Variants in RBFOX3 observed in about 807,000 individuals in gnomAD.
RBFOX3 encodes the protein RNA binding protein fox-1 homolog 3.
In RBFOX3, 17 loss-of-function variants were observed where a neutral mutation model predicts 48.7. That is an observed-to-expected ratio of 0.35 (90% CI 0.24 to 0.52). The LOEUF is 0.52. Among genes scored for constraint, RBFOX3 ranks in the 20% least tolerant of loss-of-function variants. RBFOX3 has a pLI of 0.94. For missense variants in RBFOX3, 382 were observed against 497.5 expected (o/e 0.77, Z 2.21); for synonymous variants, 212 against 209.5 (o/e 1.01, Z -0.10).
chr17:79,240,703 A>C (rs1266122559), intron 3 of RBFOX3, among the ~76,000 whole-genome samples: 2 of 152,096 alleles, frequency 1.3e-5, no homozygotes, highest in African/African-American at 2.4e-5. Flanking sequence ...TTGCTCTGTC[A>C]CCCAGGCTGG....
rs1007486540 is a variant in RBFOX3, at chr17:79,423,044, C to T, written c.-175+59410G>A. ...GCACGGGACAGGCCGGCCCCTGCGA[C>T]GGGACTTCGGGTGCCCCGTGTGCCA... On this transcript the variant is annotated intron_variant, in intron 2 of 14. Coordinates refer to ENST00000693108, the MANE Select transcript of RBFOX3 (RefSeq NM_001350451.2). This position sits in a 1 kb window ranked among gnomAD's most constrained non-coding sequence, Gnocchi z 4.9. 3.9e-5 allele frequency among the ~76,000 whole-genome samples: 6 copies of T among 152,174 alleles called. No homozygotes were observed. The highest frequency in any genetic ancestry group is 1.4e-4 in the African/African-American group (6 of 41,432).
In RBFOX3 at chr17:79,362,582, G is replaced by C. The variant is rs2086588644; in HGVS notation, c.-174-54758C>G. Among the ~76,000 whole-genome samples, 1 of 152,318 alleles carries C rather than the reference G, an allele frequency of 6.6e-6. No homozygotes were observed. The highest frequency in any genetic ancestry group is 2.1e-4 in the South Asian group (1 of 4,822). On this transcript the variant is annotated intron_variant, in intron 2 of 14. Transcript: ENST00000693108. The surrounding 1 kb of genome is among the most constrained non-coding windows in gnomAD (Gnocchi z 4.2). ...AGATGGGAGCCTTTATGTCCCGCGT[G>C]TGAGGGGCCCAGAGGCCTCTTTGCA...
intron 4 of RBFOX3, among the ~76,000 whole-genome samples, chr17:79,141,371 A>G (rs113552336): frequency 0.028 from 4,314 of 152,324 alleles, 90 homozygotes; most frequent in African/African-American, 0.055. Context: ...AGGGAAGGCT[A>G]CAGAGTTCAC....
intron 2 of RBFOX3, among the ~76,000 whole-genome samples, chr17:79,368,319 C>A (rs984050653): frequency 1.3e-5 from 2 of 152,196 alleles, no homozygotes; most frequent in African/African-American, 2.4e-5. Flanking sequence ...CTCCACCAGC[C>A]TGGGGCTGTA....
At chr17:79,483,562 A>T (rs1216974410) in intron 1 of RBFOX3, among the ~76,000 whole-genome samples, 2 of 145,662 alleles carry the variant, frequency 1.4e-5, no homozygotes, top group African/African-American at 5.1e-5. Flanking sequence ...TCCCTATGGC[A>T]TTTCCTTCTC....
intron 1 of RBFOX3, chr17:79,598,913 T>G (rs2093636518): frequency 6.6e-6 from 1 of 152,052 alleles, no homozygotes; most frequent in Admixed American, 6.6e-5. Context: ...TCATCTCAGT[T>G]CCACAGAGTC....
rs1259457555 is a variant in RBFOX3, at chr17:79,552,989, CT to C, written c.-320+57836del. Among the ~76,000 whole-genome samples the C allele has an allele frequency of 3.3e-5, 5 of 152,216 alleles. No individual in the cohort carries two copies. The East Asian group carries it at 7.7e-4, about 23-fold the overall frequency. On this transcript the variant is annotated intron_variant, in intron 1 of 14. Transcript: ENST00000693108. ...TAGCCCCTCCTTTCCAATATTTATT[CT>C]TCTCATTTCTTTTCTTGTCTGATTG...
intron 4 of RBFOX3, among the ~76,000 whole-genome samples, chr17:79,143,318 G>A (rs2042290616): frequency 6.6e-6 from 1 of 150,478 alleles, no homozygotes; most frequent in African/African-American, 2.4e-5. Context: ...TGTTCCTGGG[G>A]GACCTGGATA....
At chr17:79,371,709 A>T (rs2058564150) in intron 2 of RBFOX3, among the ~76,000 whole-genome samples, 1 of 152,112 alleles carries the variant, frequency 6.6e-6, no homozygotes, top group Non-Finnish European at 1.5e-5. Flanking sequence ...TCTTCTCGAA[A>T]ATGTGGAAAC....
chr17:79,482,488 G>A lies in RBFOX3; in HGVS notation c.-209C>T, dbSNP rs1325321976. 1.3e-5 allele frequency: 2 copies of A among 152,372 alleles called. No individual in the cohort carries two copies. The highest frequency in any genetic ancestry group is 6.5e-5 in the Admixed American group (1 of 15,298). The allele number at this position is 152,372 out of a possible 1,614,324, so 9.4% of individuals were successfully genotyped here. A position where few individuals can be genotyped will look rare whatever the true frequency, so the allele number is the denominator to read the frequency against. On this transcript the variant is annotated 5_prime_UTR_variant, in exon 2 of 15. Transcript: ENST00000693108. The surrounding 1 kb of genome is among the most constrained non-coding windows in gnomAD (Gnocchi z 4.1). ...GGAGGTGAGGTCTGCTTTGCTGAGC[G>A]GGGAGGCCCCAGTGGGGCTCCTTCT... is the stretch of plus-strand genomic sequence containing the variant.
At chr17:79,522,684 C>T (rs1237209861) in intron 1 of RBFOX3, among the ~76,000 whole-genome samples, 3 of 152,102 alleles carry the variant, frequency 2.0e-5, no homozygotes, top group Non-Finnish European at 4.4e-5. Flanking sequence ...AAACCCAGCA[C>T]TTTGGGATGC....
chr17:79,532,206 A>G (rs78094680), intron 1 of RBFOX3, among the ~76,000 whole-genome samples: 27,874 of 148,928 alleles, frequency 0.19, 3,537 homozygotes, highest in African/African-American at 0.37. Flanking sequence ...TGGAGGGGGG[A>G]GGGGAGGAGG....
In RBFOX3 at chr17:79,246,428, G is replaced by T. The variant is rs114475546; in HGVS notation, c.-73-10623C>A. 3.6e-3 allele frequency among the ~76,000 whole-genome samples: 551 copies of T among 152,330 alleles called. 3 individuals carry two copies. Among genetic ancestry groups the T allele is most frequent in the African/African-American group, 0.013 (530 of 41,560 alleles). On this transcript the variant is annotated intron_variant, in intron 3 of 14. Transcript: ENST00000693108. ...TGCTGGTGTCTGATTACGCTGAGTG[G>T]GCTGTTCTTCCTTCTACTGTGAACC...
At chr17:79,558,469 C>T (rs1007354548) in intron 1 of RBFOX3, among the ~76,000 whole-genome samples, 6 of 152,038 alleles carry the variant, frequency 3.9e-5, no homozygotes, top group Admixed American at 1.3e-4. Context: ...AGGGTGCTGG[C>T]GGATGGGGAG....
At position 79,195,061 on chromosome 17, in the gene RBFOX3, C is replaced by G. The variant is rs766009510; in HGVS notation, c.-34+40705G>C. ...CCCACCGACATCAGCTCACTATCAT[C>G]CCCATTGCCTGCGCGGTGCCTGGCC... On this transcript the variant is annotated intron_variant, in intron 4 of 14. Coordinates refer to ENST00000693108, the MANE Select transcript of RBFOX3 (RefSeq NM_001350451.2). This position sits in a 1 kb window ranked among gnomAD's most constrained non-coding sequence, Gnocchi z 5.3. Among the ~76,000 whole-genome samples the G allele has an allele frequency of 2.2e-4, 34 of 152,006 alleles. No homozygotes were observed. Among genetic ancestry groups the G allele is most frequent in the Non-Finnish European group, 4.3e-4 (29 of 67,986 alleles).
At chr17:79,644,961 A>G in the RBFOX3 span, among the ~76,000 whole-genome samples, 3 of 152,218 alleles carry the variant, frequency 2.0e-5, no homozygotes, top group East Asian at 3.8e-4. Context: ...TATTCTTCCA[A>G]TTGTTCAGAA....
At chr17:79,303,682 G>A (rs9897730) in intron 3 of RBFOX3, among the ~76,000 whole-genome samples, 7,492 of 152,000 alleles carry the variant, frequency 0.049, 315 homozygotes, top group East Asian at 0.22. Flanking sequence ...TGGTTGCTAG[G>A]GGCAGACCAT....
intron 1 of RBFOX3, among the ~76,000 whole-genome samples, chr17:79,530,135 C>T (rs1287941935): frequency 6.6e-6 from 1 of 152,162 alleles, no homozygotes; most frequent in Non-Finnish European, 1.5e-5. Flanking sequence ...GAGCACAGCC[C>T]ACAGAGAGGA....
At chr17:79,472,688 G>A (rs960884697) in intron 2 of RBFOX3, among the ~76,000 whole-genome samples, 4 of 152,168 alleles carry the variant, frequency 2.6e-5, no homozygotes, top group Non-Finnish European at 5.9e-5. Context: ...GCTTCACCAT[G>A]GCAGCCCAAG....
Sources: allele counts gnomAD v4.1 joint callset (sites outside exome capture counted in the v4.1 genomes callset), GRCh38; gene constraint gnomAD v4.1.1; non-coding constraint Gnocchi (gnomAD v3.1); transcripts MANE v1.5; gene names NCBI Gene and HGNC (gene_info 2026-07-23, HGNC 2026-07-21).